Variants in MGAT4C observed in about 807,000 individuals in gnomAD.
MGAT4C encodes the protein MGAT4 family member C.
A neutral mutation model predicts 40.1 loss-of-function variants in MGAT4C; 19 were observed. That is an observed-to-expected ratio of 0.47 (90% CI 0.33 to 0.70). MGAT4C has a LOEUF of 0.70. Among genes scored for constraint, MGAT4C ranks in the 30% least tolerant of loss-of-function variants. MGAT4C has a pLI of 0.02. For missense variants in MGAT4C, 491 were observed against 563.2 expected (o/e 0.87, Z 1.30); for synonymous variants, 181 against 187.1 (o/e 0.97, Z 0.27).
intron 1 of MGAT4C, among the ~76,000 whole-genome samples, chr12:86,160,275 C>T (rs1278591640): frequency 2.0e-5 from 3 of 151,874 alleles, no homozygotes; most frequent in Non-Finnish European, 4.4e-5. Context: ...TTTATTTCTG[C>T]CTTAATTTCA....
At chr12:86,199,860 A>C (rs184623257) in intron 1 of MGAT4C, among the ~76,000 whole-genome samples, 1 of 152,282 alleles carries the variant, frequency 6.6e-6, no homozygotes. Flanking sequence ...TATTTTATAC[A>C]ATGTTTATAA....
At chr12:86,149,541 C>G (rs1884002623) in intron 1 of MGAT4C, among the ~76,000 whole-genome samples, 1 of 152,308 alleles carries the variant, frequency 6.6e-6, no homozygotes, top group African/African-American at 2.4e-5. Flanking sequence ...ATATTGCCCT[C>G]TTCTCTCACA....
chr12:86,202,311 A>G (rs1390560457), intron 1 of MGAT4C, among the ~76,000 whole-genome samples: 5 of 152,134 alleles, frequency 3.3e-5, no homozygotes, highest in Non-Finnish European at 7.4e-5. Flanking sequence ...ACTCTGAGCT[A>G]TTAACATGAC....
intron 2 of MGAT4C, among the ~76,000 whole-genome samples, chr12:86,036,101 A>G (rs1891215760): frequency 6.7e-6 from 1 of 149,908 alleles, no homozygotes; most frequent in Non-Finnish European, 1.5e-5. Context: ...AGTTTTTTCC[A>G]ATTCTGTGAT....
chr12:86,487,154 A>G (rs766780701), intron 2 of MGAT4C, among the ~76,000 whole-genome samples: 4 of 152,144 alleles, frequency 2.6e-5, no homozygotes, highest in Non-Finnish European at 4.4e-5. Flanking sequence ...TTGAATAGCA[A>G]TGGAGTCATT....
At chr12:86,376,790 C>CAG (rs1157679938) in intron 3 of MGAT4C, among the ~76,000 whole-genome samples, 71 of 121,254 alleles carry the variant, frequency 5.9e-4, no homozygotes, top group African/African-American at 2.2e-3. Context: ...GAGAGAGAGA[C>CAG]AGAGAGAGAG....
chr12:86,796,112 T>G (rs1952112281), intron 1 of MGAT4C, among the ~76,000 whole-genome samples: 1 of 151,930 alleles, frequency 6.6e-6, no homozygotes, highest in African/African-American at 2.4e-5. Flanking sequence ...GCACCTGAAC[T>G]TGACCTAACC....
In MGAT4C at chr12:86,067,356, C is replaced by T. The variant is rs1434775800; in HGVS notation, c.-56-17633G>A. Reference sequence around the variant, plus strand: ...GGATAAAGAAAATGTGTCACATATACACTATGGAATACTATGTAGCCATAA... The same window carrying T: ...GGATAAAGAAAATGTGTCACATATATACTATGGAATACTATGTAGCCATAA... On this transcript the variant is annotated intron_variant, in intron 1 of 4. Coordinates refer to ENST00000611864, the MANE Select transcript of MGAT4C (RefSeq NM_001351288.2). Among the ~76,000 whole-genome samples, 5 of 152,262 alleles carry T rather than the reference C, an allele frequency of 3.3e-5. No individual in the cohort carries two copies. In the East Asian group the frequency reaches 9.7e-4, roughly 29 times the overall value.
At chr12:86,347,516 C>T (rs931979245) in intron 3 of MGAT4C, among the ~76,000 whole-genome samples, 3 of 152,094 alleles carry the variant, frequency 2.0e-5, no homozygotes, top group Admixed American at 6.6e-5. Flanking sequence ...GAACAAATCC[C>T]GTTTGTCTCA....
intron 1 of MGAT4C, among the ~76,000 whole-genome samples, chr12:86,051,168 A>G (rs1428086396): frequency 6.6e-6 from 1 of 152,036 alleles, no homozygotes; most frequent in Admixed American, 6.6e-5. Context: ...GGCAACCAGG[A>G]AAAACAGCAT....
intron 2 of MGAT4C, among the ~76,000 whole-genome samples, chr12:86,609,233 G>C (rs1443005711): frequency 6.6e-6 from 1 of 152,110 alleles, no homozygotes; most frequent in Non-Finnish European, 1.5e-5. Context: ...CAAAGACTCA[G>C]ATTATCTACC....
Position 86,191,118 on chromosome 12 carries a change from CACACACACACACACA to C in MGAT4C, c.-57+65106_-57+65120del, listed in dbSNP as rs1566117916. Among the ~76,000 whole-genome samples, 1,115 of 148,658 alleles carry C rather than the reference CACACACACACACACA, an allele frequency of 7.5e-3. 17 individuals are homozygous for C. Among genetic ancestry groups the C allele is most frequent in the African/African-American group, 0.027 (1,066 of 39,638 alleles). On this transcript the variant is annotated intron_variant, in intron 1 of 4. Coordinates refer to ENST00000611864, the MANE Select transcript of MGAT4C (RefSeq NM_001351288.2). ...ACACACACACACACACACACACACA[CACACACACACACACA>C]CCCCTATAGGGTCTGTTTCTCTAAA... is the stretch of plus-strand genomic sequence containing the variant.
At chr12:86,075,371 C>T (rs963312570) in intron 1 of MGAT4C, among the ~76,000 whole-genome samples, 6 of 152,090 alleles carry the variant, frequency 3.9e-5, no homozygotes, top group Non-Finnish European at 5.9e-5. Flanking sequence ...GTCAGCTCTG[C>T]TCCTGTGTCT....
intron 2 of MGAT4C, among the ~76,000 whole-genome samples, chr12:86,666,226 T>C (rs1964102060): frequency 6.6e-6 from 1 of 152,198 alleles, no homozygotes; most frequent in African/African-American, 2.4e-5. Flanking sequence ...CTCTAATTTT[T>C]AGCTATTCTA....
At chr12:86,343,475 T>C (rs1043843503) in intron 3 of MGAT4C, among the ~76,000 whole-genome samples, 10 of 152,212 alleles carry the variant, frequency 6.6e-5, no homozygotes, top group Non-Finnish European at 1.5e-4. Flanking sequence ...ACAAAACCTA[T>C]TGGAAATATG....
At chr12:86,033,325 C>T (rs1379841495) in intron 2 of MGAT4C, among the ~76,000 whole-genome samples, 3 of 148,726 alleles carry the variant, frequency 2.0e-5, no homozygotes, top group East Asian at 3.9e-4. Flanking sequence ...TAGTTTAATA[C>T]TTGAATCTTT....
chr12:86,377,901 C>T (rs1955860465), intron 3 of MGAT4C, among the ~76,000 whole-genome samples: 1 of 152,126 alleles, frequency 6.6e-6, no homozygotes, highest in South Asian at 2.1e-4. Flanking sequence ...CACCATTCTA[C>T]TTGCTGTCTC....
At chr12:86,265,065 G>A (rs1213652530) in intron 4 of MGAT4C, among the ~76,000 whole-genome samples, 2 of 152,190 alleles carry the variant, frequency 1.3e-5, no homozygotes, top group African/African-American at 2.4e-5. Flanking sequence ...CAGCCTCACA[G>A]GGAGCCGGCA....
chr12:86,102,019 G>T (rs1456328409), intron 1 of MGAT4C, among the ~76,000 whole-genome samples: 1 of 151,744 alleles, frequency 6.6e-6, no homozygotes, highest in African/African-American at 2.4e-5. Flanking sequence ...CTGACAACTG[G>T]CCTAATTAAT....
Sources: gnomAD v4.1 joint callset for allele counts (sites outside exome capture counted in the v4.1 genomes callset) on GRCh38, gnomAD v4.1.1 for gene constraint, MANE v1.5 for transcripts, NCBI Gene and HGNC (gene_info 2026-07-23, HGNC 2026-07-21) for gene names.